The following SZRD1 variants were observed in gnomAD, a reference collection of about 807,000 sequenced individuals.
SZRD1 encodes SUZ RNA-binding domain-containing.
SZRD1 carries 7 observed loss-of-function variants against 17.6 expected under a neutral mutation model. The observed-to-expected ratio is 0.40, with a 90% confidence interval of 0.23 to 0.75. SZRD1 has a LOEUF of 0.75. Ranked by LOEUF, SZRD1 falls within the 30% of genes least tolerant of loss-of-function variation. The pLI, the probability that SZRD1 is intolerant of heterozygous loss-of-function variation, is 0.38. For synonymous variants in SZRD1, 77 were observed against 77.9 expected (o/e 0.99, Z 0.06); for missense variants, 178 against 201.8 (o/e 0.88, Z 0.71).
At chr1:16,394,601 A>C (rs1423616399) in intron 3 of SZRD1, among the ~76,000 whole-genome samples, 3 of 152,212 alleles carry the variant, frequency 2.0e-5, no homozygotes. Context: ...GCCCTGAGTC[A>C]GCTTCCCAAA....
chr1:16,378,902 T>A (rs1288693092), intron 1 of SZRD1, among the ~76,000 whole-genome samples: 1 of 151,168 alleles, frequency 6.6e-6, no homozygotes, highest in Non-Finnish European at 1.5e-5. Flanking sequence ...AATTTTTGTA[T>A]TTTTGGTGGA....
chr1:16,375,733 C>G (rs1490885829), intron 1 of SZRD1, among the ~76,000 whole-genome samples: 7 of 152,140 alleles, frequency 4.6e-5, no homozygotes, highest in Admixed American at 4.6e-4. Flanking sequence ...AACAGTCATT[C>G]CTTTCTAAAA....
intron 1 of SZRD1, among the ~76,000 whole-genome samples, chr1:16,379,362 C>T (rs113158275): frequency 0.084 from 12,754 of 152,238 alleles, 704 homozygotes; most frequent in Non-Finnish European, 0.12. Context: ...CTCGTCCTCC[C>T]AAAGTGCTGG....
chr1:16,394,964 T>C (rs1323923183), intron 3 of SZRD1, 74 bp from the exon 4 acceptor site: 2 of 920,420 alleles, frequency 2.2e-6, no homozygotes, highest in African/African-American at 3.4e-5. Flanking sequence ...CAAAAATAAA[T>C]AAAAAATAAA....
Position 16,396,370 on chromosome 1 carries a change from A to G in SZRD1, c.*1230A>G, listed in dbSNP as rs1234665007. 1 of 152,188 alleles carries G rather than the reference A, an allele frequency of 6.6e-6. No individual in the cohort carries two copies. Among genetic ancestry groups the G allele is most frequent in the Non-Finnish European group, 1.5e-5 (1 of 68,046 alleles). 9.4% of individuals were successfully genotyped at this position (152,188 alleles called of 1,614,324 possible). A position where few individuals can be genotyped will look rare whatever the true frequency, so the allele number is the denominator to read the frequency against. ...TTCTGAATAAAGTTGGAAAAAGAACAGCTTTGCTTTGCAAAGATTGATGAC... is the reference window on the plus strand; with the variant it reads ...TTCTGAATAAAGTTGGAAAAAGAACGGCTTTGCTTTGCAAAGATTGATGAC... On this transcript the variant is annotated 3_prime_UTR_variant, in exon 4 of 4. Coordinates refer to ENST00000401088, the MANE Select transcript of SZRD1 (RefSeq NM_001114600.3).
Position 16,393,286 on chromosome 1 carries a change from G to T in SZRD1, c.160G>T (p.Ala54Ser), listed in dbSNP as rs373464217. The change falls in exon 3 of 4, where the codon GCG (alanine) becomes TCG (serine). Residue 54 changes from alanine to serine, a missense_variant. Ala to Ser is a moderately conservative substitution (Grantham distance 99). Transcript: ENST00000401088. This position sits in a 1 kb window ranked among gnomAD's most constrained non-coding sequence, Gnocchi z 5.6. ...PIVIQDDSLP[A>S]GPPPQIRILK... Reference sequence around the variant, plus strand: ...TGTGATTCAGGACGATAGCCTTCCCGCGGGGCCCCCTCCACAGATCCGCAT... The same window carrying T: ...TGTGATTCAGGACGATAGCCTTCCCTCGGGGCCCCCTCCACAGATCCGCAT... 5.0e-6 allele frequency: 8 copies of T among 1,614,138 alleles called. No individual in the cohort carries two copies. Among genetic ancestry groups the T allele is most frequent in the Middle Eastern group, 1.6e-4 (1 of 6,062 alleles).
rs559529371 is a variant in SZRD1 at position 16,373,728 on chromosome 1, C to T, written c.51+6420C>T. ...TCCTCCCACTTCAGCCTCAACCTCC[C>T]GAGTAGCTGGGACTACAGGCATGCG... On this transcript the variant is annotated intron_variant, in intron 1 of 3. Coordinates refer to ENST00000401088, the MANE Select transcript of SZRD1 (RefSeq NM_001114600.3). Among the ~76,000 whole-genome samples the T allele has an allele frequency of 5.9e-5, 9 of 152,116 alleles. 1 individual carries two copies. The East Asian group carries it at 7.7e-4, about 13-fold the overall frequency.
chr1:16,374,780 G>T (rs978579196), intron 1 of SZRD1, among the ~76,000 whole-genome samples: 1 of 152,246 alleles, frequency 6.6e-6, no homozygotes, highest in East Asian at 1.9e-4. Flanking sequence ...CCTAGGAGAA[G>T]GTTGAGTTTA....
At position 16,391,383 on chromosome 1, in the gene SZRD1, C is replaced by T. The variant is rs550436406; in HGVS notation, c.60C>T (p.Asp20=). ...WEEAADSGEI[D]RRLEKKLKIT... ...ACATTTTTTTCCTCTAGGAAATAGA[C>T]AGACGGTTGGAAAAAAAACTGAAGA... The change falls in exon 2 of 4, where the codon GAC becomes GAT. Residue 20 remains aspartate, a synonymous_variant. Coordinates refer to ENST00000401088, the MANE Select transcript of SZRD1 (RefSeq NM_001114600.3). This position sits in a 1 kb window ranked among gnomAD's most constrained non-coding sequence, Gnocchi z 4.3. The T allele has an allele frequency of 5.8e-6, 9 of 1,547,438 alleles. No individual in the cohort carries two copies. Among genetic ancestry groups the T allele is most frequent in the African/African-American group, 1.4e-5 (1 of 72,968 alleles).
chr1:16,380,503 C>G (rs2083083019), intron 1 of SZRD1, among the ~76,000 whole-genome samples: 1 of 151,664 alleles, frequency 6.6e-6, no homozygotes, highest in South Asian at 2.1e-4. Flanking sequence ...TTCTCTCTTG[C>G]TGCCCAGGCT....
chr1:16,389,076 T>G (rs1322103161), intron 1 of SZRD1, among the ~76,000 whole-genome samples: 3 of 149,046 alleles, frequency 2.0e-5, no homozygotes, highest in Non-Finnish European at 4.4e-5. Context: ...AGAATAGTTA[T>G]TTCCTTTTTT....
intron 1 of SZRD1, chr1:16,369,447 G>T: frequency 2.9e-6 from 3 of 1,047,334 alleles, no homozygotes; most frequent in Non-Finnish European, 1.5e-6. Flanking sequence ...CATCTTCTAC[G>T]GGGTGAGTGC....
intron 1 of SZRD1, chr1:16,369,544 G>A: frequency 4.1e-6 from 3 of 731,352 alleles, no homozygotes; most frequent in East Asian, 2.5e-5. Context: ...AGCAGCGGAG[G>A]CAGAAAGCCA....
chr1:16,376,702 A>G (rs1557623555), intron 1 of SZRD1, among the ~76,000 whole-genome samples: 1 of 148,364 alleles, frequency 6.7e-6, no homozygotes, highest in Non-Finnish European at 1.5e-5. Context: ...GCTACCTGGG[A>G]GGCTGAGGCA....
chr1:16,378,095 T>C (rs991087881), intron 1 of SZRD1, among the ~76,000 whole-genome samples: 1 of 152,138 alleles, frequency 6.6e-6, no homozygotes, highest in Non-Finnish European at 1.5e-5. Context: ...CCATTACATC[T>C]GCCTATCCCG....
At chr1:16,376,194 G>C (rs1219863530) in intron 1 of SZRD1, among the ~76,000 whole-genome samples, 1 of 152,162 alleles carries the variant, frequency 6.6e-6, no homozygotes, top group Non-Finnish European at 1.5e-5. Context: ...CACTCTGAGG[G>C]ACCTTTTTTG....
chr1:16,367,991 A>G (rs2082851987), intron 1 of SZRD1: 1 of 152,238 alleles, frequency 6.6e-6, no homozygotes, highest in South Asian at 2.1e-4. Flanking sequence ...GGGAAGGTCT[A>G]GGAGTTCGCT....
In SZRD1 at chr1:16,392,704, T is replaced by A. The variant is rs541050213; in HGVS notation, c.102-524T>A. 4.6e-5 allele frequency among the ~76,000 whole-genome samples: 7 copies of A among 152,256 alleles called. No homozygotes were observed. In the South Asian group the frequency reaches 1.4e-3, roughly 32 times the overall value. On this transcript the variant is annotated intron_variant, in intron 2 of 3. Transcript: ENST00000401088. ...TCTCACTAGAAGGTGGCTTGGTAAA[T>A]CTTGATGCCAGGCAGGGATGGCGTA...
At chr1:16,378,737 A>C (rs2100712314) in intron 1 of SZRD1, among the ~76,000 whole-genome samples, 1 of 151,014 alleles carries the variant, frequency 6.6e-6, no homozygotes. Flanking sequence ...CCCTTATCCT[A>C]CTTTATTTAT....
Sources: gnomAD v4.1 joint callset for allele counts (sites outside exome capture counted in the v4.1 genomes callset) on GRCh38, gnomAD v4.1.1 for gene constraint, Gnocchi (gnomAD v3.1) non-coding constraint, MANE v1.5 for transcripts, NCBI Gene and HGNC (gene_info 2026-07-23, HGNC 2026-07-21) for gene names.